CNIH3: variants seen among roughly 807,000 people sequenced by gnomAD.
CNIH3 encodes cornichon family AMPA receptor auxiliary protein 3.
CNIH3 carries 14 observed loss-of-function variants against 24.1 expected under a neutral mutation model. The ratio of observed to expected loss-of-function variants is 0.58; its 90% CI spans 0.38 to 0.91. CNIH3 has a LOEUF of 0.91. Ranked by LOEUF, CNIH3 falls within the 40% of genes least tolerant of loss-of-function variation. CNIH3 has a pLI of 0.00. For synonymous variants in CNIH3, 68 were observed against 73.8 expected (o/e 0.92, Z 0.40); for missense variants, 178 against 196.8 (o/e 0.90, Z 0.57).
intron 1 of CNIH3, among the ~76,000 whole-genome samples, chr1:224,633,222 G>A (rs1356632987): frequency 6.6e-6 from 1 of 151,876 alleles, no homozygotes; most frequent in Non-Finnish European, 1.5e-5. Context: ...GCAGTGGCGC[G>A]ATCTCTGTTC....
intron 4 of CNIH3, among the ~76,000 whole-genome samples, chr1:224,581,553 A>G (rs1259689767): frequency 1.3e-5 from 2 of 152,180 alleles, no homozygotes; most frequent in Non-Finnish European, 2.9e-5. Flanking sequence ...TGAGAATACA[A>G]TAAGAAGAGC....
chr1:224,523,226 G>C (rs1050007345), intron 2 of CNIH3, among the ~76,000 whole-genome samples: 2 of 151,768 alleles, frequency 1.3e-5, no homozygotes, highest in Non-Finnish European at 2.9e-5. Flanking sequence ...GTGACAGAGA[G>C]GGACCCTGTC....
chr1:224,646,269 A>G (rs146609453), intron 1 of CNIH3, among the ~76,000 whole-genome samples: 1 of 152,360 alleles, frequency 6.6e-6, no homozygotes, highest in East Asian at 1.9e-4. Flanking sequence ...AGTTCTGCCA[A>G]CCTAAAGAAA....
At chr1:224,680,192 A>G (rs1221612498) in intron 1 of CNIH3, among the ~76,000 whole-genome samples, 2 of 152,146 alleles carry the variant, frequency 1.3e-5, no homozygotes, top group East Asian at 3.8e-4. Flanking sequence ...ACCTTGTTCT[A>G]TTATTTATTC....
chr1:224,552,007 C>T (rs1009678573), intron 3 of CNIH3, among the ~76,000 whole-genome samples: 2 of 151,546 alleles, frequency 1.3e-5, no homozygotes, highest in African/African-American at 4.8e-5. Context: ...TGTACTCCCT[C>T]TGTGTACGCC....
intron 3 of CNIH3, among the ~76,000 whole-genome samples, chr1:224,602,136 A>G (rs1169733904): frequency 6.6e-6 from 1 of 152,250 alleles, no homozygotes; most frequent in Non-Finnish European, 1.5e-5. Context: ...ATGTGAAACC[A>G]TTTCACAGAA....
At chr1:224,509,292 C>G (rs919458257) in intron 1 of CNIH3, among the ~76,000 whole-genome samples, 18 of 152,124 alleles carry the variant, frequency 1.2e-4, no homozygotes, top group Admixed American at 8.5e-4. Flanking sequence ...CCAGTGCACT[C>G]CAGCCTGGGT....
upstream of CNIH3, among the ~76,000 whole-genome samples, chr1:224,512,367 A>G (rs1159782650): frequency 6.6e-6 from 1 of 152,178 alleles, no homozygotes; most frequent in Non-Finnish European, 1.5e-5. Flanking sequence ...CTGTAGTTCT[A>G]GCTACTTGGG....
Position 224,545,274 on chromosome 1 carries a change from C to T in CNIH3, n.340-1555C>T, listed in dbSNP as rs1375925746. ...CTCAAATGTGTGTTGAACCAATGAA[C>T]GGCTTCAAACAGCTCTGCCTTTCTG... is the stretch of plus-strand genomic sequence containing the variant. On this transcript the variant is annotated intron_variant and non_coding_transcript_variant, in intron 2 of 5. Transcript: ENST00000471578. Among the ~76,000 whole-genome samples, 6 of 152,338 alleles carry T rather than the reference C, an allele frequency of 3.9e-5. No homozygotes were observed. In the East Asian group the frequency reaches 9.6e-4, roughly 24 times the overall value.
At chr1:224,660,323 G>A (rs2125116023) in intron 1 of CNIH3, among the ~76,000 whole-genome samples, 1 of 152,194 alleles carries the variant, frequency 6.6e-6, no homozygotes, top group Admixed American at 6.5e-5. Context: ...CAGTGTGATG[G>A]AAATCACCCC....
intron 4 of CNIH3, chr1:224,575,237 AC>A: frequency 7.5e-7 from 1 of 1,339,908 alleles, no homozygotes; most frequent in Non-Finnish European, 1.1e-6. Flanking sequence ...AGTCTGTGAC[AC>A]CAGAATGCAT....
At chr1:224,613,053 C>A (rs916561503), upstream of CNIH3, among the ~76,000 whole-genome samples, 3 of 152,134 alleles carry the variant, frequency 2.0e-5, no homozygotes, top group Admixed American at 2.0e-4. Flanking sequence ...AGGTGGGGTG[C>A]AGTGGCATGA....
intron 1 of CNIH3, among the ~76,000 whole-genome samples, chr1:224,440,632 A>AAT (rs765801593): frequency 4.6e-5 from 7 of 152,232 alleles, no homozygotes; most frequent in African/African-American, 9.7e-5. Context: ...CAGTGTGCAT[A>AAT]ATATGATGCA....
At chr1:224,450,160 A>C (rs1675333538) in intron 1 of CNIH3, among the ~76,000 whole-genome samples, 1 of 152,200 alleles carries the variant, frequency 6.6e-6, no homozygotes, top group African/African-American at 2.4e-5. Flanking sequence ...TGCAGTGAAC[A>C]AGACACAAAA....
intron 3 of CNIH3, among the ~76,000 whole-genome samples, chr1:224,559,393 C>T (rs1680270301): frequency 6.6e-6 from 1 of 152,172 alleles, no homozygotes; most frequent in Non-Finnish European, 1.5e-5. Context: ...GCTTTTAGGT[C>T]TTGCTCCGTC....
intron 3 of CNIH3, among the ~76,000 whole-genome samples, chr1:224,597,637 G>T (rs1309706703): frequency 6.6e-6 from 1 of 152,146 alleles, no homozygotes; most frequent in Admixed American, 6.5e-5. Context: ...AGGGTGATGT[G>T]TCCATGGAGG....
Position 224,684,937 on chromosome 1 carries a change from T to G in CNIH3, c.198+94T>G, listed in dbSNP as rs1043489997. ...GCTAGTGAGGCTCTGCCTGCTCCAG[T>G]CCTGTCCACCAGGGAGGCAAATGGT... On this transcript the variant is annotated intron_variant, in intron 3 of 5. Coordinates refer to ENST00000272133, the MANE Select transcript of CNIH3 (RefSeq NM_152495.2). This position sits in a 1 kb window ranked among gnomAD's most constrained non-coding sequence, Gnocchi z 4.2. 3.8e-5 allele frequency: 47 copies of G among 1,226,252 alleles called. No homozygotes were observed. In the African/African-American group the frequency reaches 6.3e-4, roughly 16 times the overall value. The allele number at this position is 1,226,252 out of a possible 1,614,324, so 76.0% of individuals were successfully genotyped here. A position where few individuals can be genotyped will look rare whatever the true frequency, so the allele number is the denominator to read the frequency against.
downstream of CNIH3, among the ~76,000 whole-genome samples, chr1:224,540,100 T>G (rs1322910643): frequency 2.0e-5 from 3 of 152,216 alleles, no homozygotes; most frequent in Non-Finnish European, 4.4e-5. Context: ...GCTTCAAAAT[T>G]TCTGATCTTT....
chr1:224,715,646 G>A (rs1688388837), intron 3 of CNIH3, among the ~76,000 whole-genome samples: 1 of 152,196 alleles, frequency 6.6e-6, no homozygotes, highest in Non-Finnish European at 1.5e-5. Context: ...TCCACTCGTG[G>A]CAGAAGGCAA....
Sources: gnomAD v4.1 joint callset for allele counts (sites outside exome capture counted in the v4.1 genomes callset) on GRCh38, gnomAD v4.1.1 for gene constraint, Gnocchi (gnomAD v3.1) non-coding constraint, MANE v1.5 for transcripts, NCBI Gene and HGNC (gene_info 2026-07-23, HGNC 2026-07-21) for gene names.